Variants in DOCK8 observed in about 807,000 individuals in gnomAD.
The protein encoded by DOCK8 is dedicator of cytokinesis 8.
In DOCK8, 141 loss-of-function variants were observed where a neutral mutation model predicts 245.6. The observed-to-expected ratio is 0.57, with a 90% CI of 0.50 to 0.66. DOCK8 has a LOEUF of 0.66. DOCK8 is among the 30% of genes least tolerant of loss of function. The pLI is 0.00. For synonymous variants in DOCK8, 1,168 were observed against 970.2 expected (o/e 1.20, Z -3.79); for missense variants, 2,965 against 2,603.4 (o/e 1.14, Z -3.02).
intron 33 of DOCK8, among the ~76,000 whole-genome samples, chr9:422,777 T>C (rs1275666277): frequency 2.6e-5 from 4 of 152,140 alleles, no homozygotes; most frequent in South Asian, 4.2e-4. Flanking sequence ...CTGAGGTCAG[T>C]AGTTCGAGAC....
chr9:289,862 T>G (rs1238261925), intron 4 of DOCK8, among the ~76,000 whole-genome samples: 5 of 152,238 alleles, frequency 3.3e-5, no homozygotes, highest in Non-Finnish European at 7.3e-5. Flanking sequence ...GTTTACTTTT[T>G]GTGTTGTATA....
intron 14 of DOCK8, among the ~76,000 whole-genome samples, chr9:350,538 T>C (rs891934835): frequency 5.9e-5 from 9 of 152,194 alleles, no homozygotes; most frequent in African/African-American, 2.2e-4. Context: ...TGAGATAGTC[T>C]TACTAGGGAG....
rs183493271 is a variant in DOCK8, at chr9:287,896, A to G, written c.332+1260A>G. Among the ~76,000 whole-genome samples the G allele has an allele frequency of 1.3e-3, 195 of 152,276 alleles. 1 individual carries two copies. Among genetic ancestry groups the G allele is most frequent in the African/African-American group, 4.4e-3 (183 of 41,562 alleles). ...GCTGTTTAAAATGCTTACAGTAGCCAGTCACCGCAGCTTGTTCCTGTGGTC... is the reference window on the plus strand; with the variant it reads ...GCTGTTTAAAATGCTTACAGTAGCCGGTCACCGCAGCTTGTTCCTGTGGTC... On this transcript the variant is annotated intron_variant, in intron 3 of 47. Transcript: ENST00000432829.
chr9:278,462 A>G (rs923471448), intron 2 of DOCK8, among the ~76,000 whole-genome samples: 1 of 152,238 alleles, frequency 6.6e-6, no homozygotes, highest in Non-Finnish European at 1.5e-5. Context: ...ACAACAGTGA[A>G]TACAATAGAG....
intron 33 of DOCK8, among the ~76,000 whole-genome samples, chr9:425,191 C>T (rs1030605293): frequency 1.3e-5 from 2 of 152,068 alleles, no homozygotes; most frequent in African/African-American, 4.8e-5. Flanking sequence ...TTCTACTAGA[C>T]AGCATTGCTC....
intron 45 of DOCK8, among the ~76,000 whole-genome samples, 172 bp downstream of exon 45, chr9:450,099 C>G (rs1305734036): frequency 6.6e-6 from 1 of 152,196 alleles, no homozygotes; most frequent in Admixed American, 6.5e-5. Context: ...TTTAGGAAAC[C>G]TCTTCCCTTT....
intron 1 of DOCK8, among the ~76,000 whole-genome samples, chr9:255,438 C>T (rs1221388654): frequency 3.3e-5 from 5 of 152,170 alleles, no homozygotes; most frequent in Non-Finnish European, 5.9e-5. Flanking sequence ...GAGGCCAAGG[C>T]GGGCAGATCA....
intron 1 of DOCK8, among the ~76,000 whole-genome samples, chr9:222,963 G>C: frequency 6.6e-6 from 1 of 152,108 alleles, no homozygotes; most frequent in African/African-American, 2.4e-5. Flanking sequence ...CAAAATAAGA[G>C]TCCAGATTAC....
chr9:268,213 C>A (rs973369536), intron 1 of DOCK8: 1 of 152,154 alleles, frequency 6.6e-6, no homozygotes, highest in Non-Finnish European at 1.5e-5. Context: ...AAGGACAAAC[C>A]ATTCGTTTGT....
chr9:428,274 C>G (rs1587005906), intron 34 of DOCK8, 88 bp from the exon 35 acceptor site: 1 of 1,602,328 alleles, frequency 6.2e-7, no homozygotes, highest in Admixed American at 1.7e-5. Context: ...GGACATGGAA[C>G]ATCAGCATTA....
intron 47 of DOCK8, 118 bp downstream of exon 47, chr9:463,805 G>A (rs1296225942): frequency 6.5e-6 from 8 of 1,238,402 alleles, no homozygotes; most frequent in Non-Finnish European, 9.3e-6. Flanking sequence ...AAGGGTGGAA[G>A]AGGGTCCCAC....
chr9:264,993 G>A (rs584207), intron 1 of DOCK8, among the ~76,000 whole-genome samples: 80,909 of 151,970 alleles, frequency 0.53, 21,856 homozygotes, highest in East Asian at 0.79. Flanking sequence ...GTGCAATGGC[G>A]TGATCTCAGC....
intron 15 of DOCK8, chr9:368,812 CTTTTTTTCT>C (rs1179255217): frequency 1.9e-5 from 2 of 104,936 alleles, no homozygotes; most frequent in Admixed American, 1.3e-4. Flanking sequence ...AACTTTCTTT[CTTTTTTTCT>C]TTTTTTTTTT....
chr9:330,333 G>A (rs779358278), intron 9 of DOCK8, among the ~76,000 whole-genome samples: 3 of 151,952 alleles, frequency 2.0e-5, no homozygotes, highest in Non-Finnish European at 4.4e-5. Flanking sequence ...AGTTGCGATG[G>A]GCCTATCCTT....
chr9:379,661 G>C lies in DOCK8; in HGVS notation c.2441-110G>C. 3.2e-6 allele frequency: 4 copies of C among 1,238,016 alleles called. 1 individual carries two copies. The highest frequency in any genetic ancestry group is 4.7e-6 in the Non-Finnish European group (4 of 858,876). The allele number at this position is 1,238,016 out of a possible 1,614,324, so 76.7% of individuals were successfully genotyped here. On this transcript the variant is annotated intron_variant, in intron 20 of 47. Transcript: ENST00000432829. ...AAACCATCTACCCTTCCCAGGCCTA[G>C]TTAAATTGGTCAGCGGTCAGGACTC... is the stretch of plus-strand genomic sequence containing the variant.
intron 5 of DOCK8, among the ~76,000 whole-genome samples, chr9:306,124 C>T (rs1361256266): frequency 6.6e-6 from 1 of 152,158 alleles, no homozygotes; most frequent in Non-Finnish European, 1.5e-5. Flanking sequence ...CAAGTTTGCA[C>T]AGAACTTCTT....
At chr9:371,738 A>G (rs143751202) in intron 17 of DOCK8, among the ~76,000 whole-genome samples, 172 bp downstream of exon 17, 18 of 152,376 alleles carry the variant, frequency 1.2e-4, no homozygotes, top group African/African-American at 4.3e-4. Context: ...GCAAATGTCA[A>G]ATTTCAGGAA....
intron 10 of DOCK8, among the ~76,000 whole-genome samples, chr9:333,328 G>A (rs747534647): frequency 2.3e-4 from 35 of 152,192 alleles, no homozygotes; most frequent in African/African-American, 4.6e-4. Flanking sequence ...TTGGCCGGGC[G>A]TGGTGGCTCA....
chr9:304,798 C>CAT (rs2049737067), intron 5 of DOCK8, 94 bp downstream of exon 5: 1 of 1,564,282 alleles, frequency 6.4e-7, no homozygotes, highest in African/African-American at 1.4e-5. Flanking sequence ...ACGATAGACG[C>CAT]ATAGAAAGTT....
Sources: allele counts gnomAD v4.1 joint callset (sites outside exome capture counted in the v4.1 genomes callset), GRCh38; gene constraint gnomAD v4.1.1; transcripts MANE v1.5; gene names NCBI Gene and HGNC (gene_info 2026-07-23, HGNC 2026-07-21).